The following SCN11A variants were observed in gnomAD, a reference collection of about 807,000 sequenced individuals.
SCN11A encodes sodium channel protein type 11 subunit alpha.
SCN11A carries 122 observed loss-of-function variants against 162.2 expected under a neutral mutation model. The observed-to-expected ratio is 0.75, with a 90% CI of 0.65 to 0.87. The LOEUF (loss-of-function observed/expected upper bound fraction) is 0.87, where lower values mean the gene tolerates loss of function less well. Among genes scored for constraint, SCN11A ranks in the 40% least tolerant of loss-of-function variants. SCN11A has a pLI of 0.00. For missense variants in SCN11A, 2,015 were observed against 2,181.6 expected (o/e 0.92, Z 1.52); for synonymous variants, 758 against 751.5 (o/e 1.01, Z -0.14).
chr3:39,012,431 TTTC>T (rs1186093300), intron 2 of SCN11A, among the ~76,000 whole-genome samples: 1 of 151,894 alleles, frequency 6.6e-6, no homozygotes, highest in Non-Finnish European at 1.5e-5. Context: ...TCTTTCTTTC[TTTC>T]TTTCTCTCTC....
intron 1 of SCN11A, among the ~76,000 whole-genome samples, chr3:39,045,556 TAATC>T (rs1198164790): frequency 1.3e-5 from 2 of 152,186 alleles, no homozygotes; most frequent in Non-Finnish European, 2.9e-5. Flanking sequence ...ACGATCATCT[TAATC>T]AATGCAGAAA....
chr3:38,949,981 A>G (rs2125576650), intron 5 of SCN11A, 115 bp downstream of exon 5: 1 of 690,840 alleles, frequency 1.4e-6, no homozygotes, highest in East Asian at 2.7e-5. Flanking sequence ...AAGAAGAGGC[A>G]CAGCCTGCCT....
chr3:38,869,392 T>C (rs922725440), intron 26 of SCN11A, among the ~76,000 whole-genome samples: 2 of 152,104 alleles, frequency 1.3e-5, no homozygotes, highest in African/African-American at 4.8e-5. Flanking sequence ...TAAATTGTAA[T>C]TATAAAATTA....
chr3:38,995,744 A>T (rs1222431205), intron 2 of SCN11A, among the ~76,000 whole-genome samples: 1 of 151,240 alleles, frequency 6.6e-6, no homozygotes, highest in African/African-American at 2.5e-5. Context: ...CAGATGGCTG[A>T]ATGTGGAACT....
At chr3:38,858,080 C>T (rs1451780522) in intron 28 of SCN11A, among the ~76,000 whole-genome samples, 1 of 151,996 alleles carries the variant, frequency 6.6e-6, no homozygotes, top group East Asian at 1.9e-4. Context: ...AAGCATAATT[C>T]TCACGGGGCC....
intron 14 of SCN11A, among the ~76,000 whole-genome samples, chr3:38,906,747 A>T (rs2065798026): frequency 6.6e-6 from 1 of 152,050 alleles, no homozygotes; most frequent in African/African-American, 2.4e-5. Context: ...GAATTTCATA[A>T]ATCCAGTCAT....
chr3:38,860,648 C>T (rs1381419460), intron 28 of SCN11A, among the ~76,000 whole-genome samples: 1 of 152,120 alleles, frequency 6.6e-6, no homozygotes, highest in Non-Finnish European at 1.5e-5. Flanking sequence ...ATCATATGAT[C>T]ATCTCAACAG....
intron 29 of SCN11A, among the ~76,000 whole-genome samples, chr3:38,848,799 C>T (rs1004903616): frequency 3.9e-5 from 6 of 152,020 alleles, no homozygotes; most frequent in Admixed American, 6.6e-5. Flanking sequence ...CACTTTAAGA[C>T]GAGTAAGCCG....
intron 23 of SCN11A, among the ~76,000 whole-genome samples, chr3:38,873,451 T>C (rs572466941): frequency 9.2e-5 from 14 of 152,320 alleles, no homozygotes; most frequent in Admixed American, 9.2e-4. Flanking sequence ...TTATAATCAA[T>C]TTACAGTGTA....
intron 1 of SCN11A, among the ~76,000 whole-genome samples, chr3:39,044,035 C>T (rs999865923): frequency 3.1e-4 from 47 of 151,744 alleles, no homozygotes; most frequent in African/African-American, 1.0e-3. Context: ...CAAATGTAAA[C>T]GCAAACAGAA....
chr3:38,857,543 A>C (rs2064889788), intron 28 of SCN11A, among the ~76,000 whole-genome samples: 1 of 152,014 alleles, frequency 6.6e-6, no homozygotes, highest in South Asian at 2.1e-4. Flanking sequence ...GGTCTTCCTG[A>C]TGAAGAAATC....
At chr3:38,878,046 A>C (rs1224103182) in intron 23 of SCN11A, among the ~76,000 whole-genome samples, 1 of 151,832 alleles carries the variant, frequency 6.6e-6, no homozygotes, top group African/African-American at 2.4e-5. Flanking sequence ...GAGGGATAAA[A>C]GACTACATTA....
intron 2 of SCN11A, among the ~76,000 whole-genome samples, chr3:38,990,024 G>T (rs1350919519): frequency 6.6e-6 from 1 of 152,138 alleles, no homozygotes; most frequent in Non-Finnish European, 1.5e-5. Flanking sequence ...GATTACAGGA[G>T]AATTCACTCT....
chr3:38,908,175 A>C (rs1235121021), intron 13 of SCN11A, 53 bp from the exon 14 acceptor site: 1 of 1,521,308 alleles, frequency 6.6e-7, no homozygotes, highest in Non-Finnish European at 8.9e-7. Flanking sequence ...CTCATGAAAC[A>C]TTGCAAATGA....
Position 38,847,158 on chromosome 3 carries a change from T to A in SCN11A, c.4912A>T (p.Thr1638Ser). Reference sequence around the variant, plus strand: ...AGGGCAGAATATTTGATAAATTGTGTTGCTTCTGGGTCAAACTTTTCCCAC... The same window carrying A: ...AGGGCAGAATATTTGATAAATTGTGATGCTTCTGGGTCAAACTTTTCCCAC... ...EVWEKFDPEATQFIKYSALSD... is the reference protein window; with the variant it reads ...EVWEKFDPEASQFIKYSALSD... Residue 1638 changes from threonine (T) to serine (S), a missense_variant, in exon 30 of 30, where the codon ACA becomes TCA. Coordinates refer to ENST00000302328, the MANE Select transcript of SCN11A (RefSeq NM_001349253.2). The A allele has an allele frequency of 6.2e-7, 1 of 1,614,228 alleles. No homozygotes were observed. The highest frequency in any genetic ancestry group is 8.5e-7 in the Non-Finnish European group (1 of 1,180,036).
intron 28 of SCN11A, among the ~76,000 whole-genome samples, chr3:38,859,381 C>T (rs2064925419): frequency 6.6e-6 from 1 of 152,006 alleles, no homozygotes. Flanking sequence ...TTCAAGGCTA[C>T]TACAAACACA....
rs62242311 is a variant in SCN11A, at chr3:39,031,232, G to A, written c.-280+1148C>T. The stretch of plus-strand genomic sequence containing the variant: ...TATTGTAAATACTGTATTTAAAACC[G>A]AGGTCTTGGCCAGGCACGGTGGCTC... On this transcript the variant is annotated intron_variant, in intron 2 of 29. Coordinates refer to ENST00000302328, the MANE Select transcript of SCN11A (RefSeq NM_001349253.2). Among the ~76,000 whole-genome samples, 961 of 152,152 alleles carry A rather than the reference G, an allele frequency of 6.3e-3. 6 individuals carry two copies. Among genetic ancestry groups the A allele is most frequent in the Non-Finnish European group, 0.012 (801 of 68,004 alleles).
intron 22 of SCN11A, 74 bp downstream of exon 22, chr3:38,883,159 G>A (rs1045913558): frequency 7.3e-6 from 10 of 1,373,190 alleles, no homozygotes; most frequent in East Asian, 2.3e-5. Context: ...ACAGTCCCAC[G>A]AGAAGCCAAG....
At chr3:38,946,637 A>C in intron 6 of SCN11A, 152 bp downstream of exon 6, 1 of 655,142 alleles carries the variant, frequency 1.5e-6, no homozygotes, top group Non-Finnish European at 2.7e-6. Flanking sequence ...TCTTGCTCAC[A>C]TCCAGCACAG....
Sources: gnomAD v4.1 joint callset for allele counts (sites outside exome capture counted in the v4.1 genomes callset) on GRCh38, gnomAD v4.1.1 for gene constraint, MANE v1.5 for transcripts, NCBI Gene and HGNC (gene_info 2026-07-23, HGNC 2026-07-21) for gene names.